The following DNAJC6 variants were observed in gnomAD, a reference collection of about 807,000 sequenced individuals.
DNAJC6 encodes the protein DnaJ heat shock protein family (Hsp40) member C6.
DNAJC6 carries 34 observed loss-of-function variants against 110.0 expected under a neutral mutation model. The ratio of observed to expected loss-of-function variants is 0.31; its 90% CI spans 0.24 to 0.41. The LOEUF is 0.41. Among genes scored for constraint, DNAJC6 ranks in the 10% least tolerant of loss-of-function variants. The probability of loss-of-function intolerance (pLI) is 1.00; values close to 1 mark genes in which losing one functional copy is unlikely to be tolerated. For missense variants in DNAJC6, 1,031 were observed against 1,207.8 expected, an observed-to-expected ratio of 0.85 and a Z score of 2.17; for synonymous variants, 406 against 437.2, an observed-to-expected ratio of 0.93 and a Z score of 0.89.
Position 65,364,760 on chromosome 1 carries a change from T to C in DNAJC6, c.319T>C (p.Ser107Pro). ...GAAAGACACCCTCAAAGACACATCT[T>C]CTAGAGTGATACAATCTGTGACCAG... ...NLKDTLKDTS[S>P]RVIQSVTSYT... is the part of the protein sequence containing the mutation. Residue 107 changes from serine to proline, a missense_variant, in exon 2 of 19, where the codon TCT becomes CCT. Physicochemically the swap from Ser to Pro is moderately conservative, Grantham distance 74 (BLOSUM62 -1). Transcript: ENST00000371069. The C allele has an allele frequency of 1.9e-6, 3 of 1,613,206 alleles. No homozygotes were observed. Among genetic ancestry groups the C allele is most frequent in the Non-Finnish European group, 2.5e-6 (3 of 1,179,400 alleles).
rs1450130615 is a variant in DNAJC6, at chr1:65,356,892, G to T, written c.194-7743G>T. 5.9e-5 allele frequency among the ~76,000 whole-genome samples: 9 copies of T among 152,246 alleles called. No individual in the cohort carries two copies. In the South Asian group the frequency reaches 1.9e-3, roughly 32 times the overall value. On this transcript the variant is annotated intron_variant, in intron 1 of 18. Transcript: ENST00000371069. ...GTTACATTTCCTCAAAGCTTCCCTGGAGTGAGATGAATGGGGAATGAGACG... is the reference window on the plus strand; with the variant it reads ...GTTACATTTCCTCAAAGCTTCCCTGTAGTGAGATGAATGGGGAATGAGACG...
At chr1:65,363,639 C>T (rs1437298518) in intron 1 of DNAJC6, among the ~76,000 whole-genome samples, 1 of 152,062 alleles carries the variant, frequency 6.6e-6, no homozygotes, top group South Asian at 2.1e-4. Context: ...TGTCACAACT[C>T]AGAGGTGGAG....
chr1:65,412,972 C>T lies in DNAJC6; in HGVS notation c.2860C>T (p.Leu954Phe), dbSNP rs1375825824. 4 of 1,614,076 alleles carry T rather than the reference C, an allele frequency of 2.5e-6. No individual in the cohort carries two copies. The highest frequency in any genetic ancestry group is 1.3e-5 in the African/African-American group (1 of 75,014). Reference sequence around the variant, plus strand: ...ATACGCAAAGATGATTTTCATGGAGCTCAATGATGCCTGGTCTGAATTTGA... The same window carrying T: ...ATACGCAAAGATGATTTTCATGGAGTTCAATGATGCCTGGTCTGAATTTGA... ...EQYAKMIFMELNDAWSEFENQ... is the reference protein window; with the variant it reads ...EQYAKMIFMEFNDAWSEFENQ... Residue 954 changes from leucine (L) to phenylalanine (F), a missense_variant, in exon 19 of 19, where the codon CTC becomes TTC. Coordinates refer to ENST00000371069, the MANE Select transcript of DNAJC6 (RefSeq NM_001256864.2).
chr1:65,317,752 T>C (rs1238995378), intron 1 of DNAJC6, among the ~76,000 whole-genome samples: 2 of 152,110 alleles, frequency 1.3e-5, no homozygotes, highest in Non-Finnish European at 2.9e-5. Context: ...AAAAGTGCAA[T>C]TAGAATTGGA....
intron 1 of DNAJC6, among the ~76,000 whole-genome samples, chr1:65,291,359 T>C (rs1644873381): frequency 6.6e-6 from 1 of 152,236 alleles, no homozygotes; most frequent in South Asian, 2.1e-4. Flanking sequence ...ACATTAGATA[T>C]GTAGATATTC....
intron 1 of DNAJC6, among the ~76,000 whole-genome samples, chr1:65,358,990 C>T (rs769001523): frequency 6.6e-6 from 1 of 152,204 alleles, no homozygotes; most frequent in Non-Finnish European, 1.5e-5. Context: ...ATTATGGACA[C>T]TCCTTCTCCT....
At chr1:65,330,546 G>A (rs1385526116) in intron 1 of DNAJC6, among the ~76,000 whole-genome samples, 1 of 151,936 alleles carries the variant, frequency 6.6e-6, no homozygotes, top group East Asian at 1.9e-4. Flanking sequence ...TCGGCTCACC[G>A]CAAGCTCCGC....
At chr1:65,370,830 T>C (rs1645698217) in intron 4 of DNAJC6, among the ~76,000 whole-genome samples, 1 of 152,218 alleles carries the variant, frequency 6.6e-6, no homozygotes. Flanking sequence ...TGAAGGTCAA[T>C]GTTTTTACCC....
At chr1:65,409,844 T>G (rs1212910537) in intron 17 of DNAJC6, among the ~76,000 whole-genome samples, 3 of 152,216 alleles carry the variant, frequency 2.0e-5, no homozygotes, top group Non-Finnish European at 4.4e-5. Flanking sequence ...ATCAACATAC[T>G]TTTTTCCTCA....
chr1:65,270,674 T>C (rs946625441), intron 1 of DNAJC6, among the ~76,000 whole-genome samples: 1 of 152,166 alleles, frequency 6.6e-6, no homozygotes, highest in African/African-American at 2.4e-5. Flanking sequence ...ATTTTTATTT[T>C]TTGTTTTACT....
In DNAJC6 at chr1:65,284,508, C is replaced by T. The variant is rs78054486; in HGVS notation, c.-131+19576C>T. Among the ~76,000 whole-genome samples the T allele has an allele frequency of 1.2e-3, 184 of 152,252 alleles. 1 individual carries two copies. The East Asian group carries it at 0.031, about 25-fold the overall frequency. ...TACTGAGTCTGTTGAATCAGGATCTCTGGAGGTTTGCAGGGCGGAGAGTCT... is the reference window on the plus strand; with the variant it reads ...TACTGAGTCTGTTGAATCAGGATCTTTGGAGGTTTGCAGGGCGGAGAGTCT... On this transcript the variant is annotated intron_variant, in intron 1 of 19. Coordinates refer to the DNAJC6 transcript ENST00000263441.
intron 4 of DNAJC6, among the ~76,000 whole-genome samples, chr1:65,367,289 A>G (rs908238089): frequency 1.3e-5 from 2 of 152,044 alleles, no homozygotes; most frequent in African/African-American, 4.8e-5. Flanking sequence ...TGCGGGGACC[A>G]CTCTTTGATA....
In DNAJC6 at chr1:65,300,043, C is replaced by CAAA. The variant is rs59681451; in HGVS notation, c.-131+35129_-131+35131dup. 1.3e-3 allele frequency among the ~76,000 whole-genome samples: 141 copies of CAAA among 111,978 alleles called. 1 individual carries two copies. The highest frequency in any genetic ancestry group is 4.2e-3 in the African/African-American group (126 of 30,324). 73.5% of individuals were successfully genotyped at this position (111,978 alleles called of 152,430 possible). On this transcript the variant is annotated intron_variant, in intron 1 of 19. Transcript: ENST00000263441. ...CAACAAGAGTGTGAAAACTCCATCT[C>CAAA]AAAAAAAAAAAAAAAAAAAAGAAAA...
At chr1:65,283,678 C>T (rs182454580) in intron 1 of DNAJC6, among the ~76,000 whole-genome samples, 20 of 152,202 alleles carry the variant, frequency 1.3e-4, no homozygotes, top group Admixed American at 6.5e-4. Flanking sequence ...CCCAATAGTG[C>T]GATTGCTGGA....
intron 1 of DNAJC6, among the ~76,000 whole-genome samples, chr1:65,290,346 G>A (rs1644858758): frequency 6.6e-6 from 1 of 152,124 alleles, no homozygotes; most frequent in South Asian, 2.1e-4. Flanking sequence ...TGGATGAACC[G>A]AAATTCTTTA....
Position 65,366,179 on chromosome 1 carries a change from G to A in DNAJC6, c.526G>A (p.Ala176Thr), listed in dbSNP as rs1645644603. The A allele has an allele frequency of 3.1e-6, 5 of 1,613,412 alleles. No homozygotes were observed. The highest frequency in any genetic ancestry group is 4.2e-6 in the Non-Finnish European group (5 of 1,179,646). ...YNLSPKSYRTAKFHSRVSECS... is the reference protein window; with the variant it reads ...YNLSPKSYRTTKFHSRVSECS... The stretch of plus-strand genomic sequence containing the variant: ...TCTGTCACCTAAGTCTTATCGAACT[G>A]CCAAGTTTCACAGCCGGGTAAGGAT... The change falls in exon 4 of 19, where the codon GCC (alanine) becomes ACC (threonine). Residue 176 changes from alanine to threonine, a missense_variant. By Grantham distance (58) the Ala-to-Thr change is moderately conservative. Transcript: ENST00000371069.
At chr1:65,307,018 CTA>C (rs71056097), upstream of DNAJC6, among the ~76,000 whole-genome samples, 678 of 70,510 alleles carry the variant, frequency 9.6e-3, 10 homozygotes, top group Middle Eastern at 0.023. Context: ...CTCTCTCTCT[CTA>C]TATATATATA....
In DNAJC6 at chr1:65,379,467, G is replaced by A. The variant is rs771322344; in HGVS notation, c.609G>A (p.Arg203=). 1.2e-6 allele frequency: 2 copies of A among 1,613,940 alleles called. No homozygotes were observed. The highest frequency in any genetic ancestry group is 2.7e-5 in the African/African-American group (2 of 74,902). Residue 203 remains arginine (R), a synonymous_variant, in exon 5 of 19, where the codon CGG becomes CGA. Transcript: ENST00000371069. ...TGCACAACCTTTTTGCTGTGTGTCGGAATATGTATAACTGGCTACTGCAGA... is the reference window on the plus strand; with the variant it reads ...TGCACAACCTTTTTGCTGTGTGTCGAAATATGTATAACTGGCTACTGCAGA... ...PSLHNLFAVC[R]NMYNWLLQNP...
chr1:65,367,987 A>G (rs1053195087), intron 4 of DNAJC6, among the ~76,000 whole-genome samples: 1 of 151,682 alleles, frequency 6.6e-6, no homozygotes, highest in Non-Finnish European at 1.5e-5. Context: ...AGCATTAGGT[A>G]TATCTCCTAA....
Sources: gnomAD v4.1 joint callset for allele counts (sites outside exome capture counted in the v4.1 genomes callset) on GRCh38, gnomAD v4.1.1 for gene constraint, MANE v1.5 for transcripts, NCBI Gene and HGNC (gene_info 2026-07-23, HGNC 2026-07-21) for gene names.